Variants in REV1 observed in about 807,000 individuals in gnomAD.
The protein encoded by REV1 is translesion synthesis protein REV1.
Under a neutral mutation model 137.4 loss-of-function variants are expected in REV1, and 42 were observed. The ratio of observed to expected loss-of-function variants is 0.31; its 90% CI spans 0.24 to 0.40. REV1 has a LOEUF of 0.40. Ranked by LOEUF, REV1 falls within the 10% of genes least tolerant of loss-of-function variation. The probability of loss-of-function intolerance (pLI) is 1.00; values close to 1 mark genes in which losing one functional copy is unlikely to be tolerated. For missense variants in REV1, 1,282 were observed against 1,490.1 expected (o/e 0.86, Z 2.30); for synonymous variants, 524 against 519.2 (o/e 1.01, Z -0.12).
intron 3 of REV1, 108 bp downstream of exon 3, chr2:99,462,388 A>G: frequency 9.6e-7 from 1 of 1,037,090 alleles, no homozygotes; most frequent in Non-Finnish European, 1.4e-6. Flanking sequence ...TTCTCATCTT[A>G]CAATCATTTG....
At chr2:99,483,970 G>A (rs1196205496) in intron 1 of REV1, among the ~76,000 whole-genome samples, 1 of 152,022 alleles carries the variant, frequency 6.6e-6, no homozygotes, top group African/African-American at 2.4e-5. Context: ...TCATAATTTA[G>A]ATATTCTTAC....
At chr2:99,409,960 A>G (rs1676908069) in intron 14 of REV1, among the ~76,000 whole-genome samples, 1 of 151,306 alleles carries the variant, frequency 6.6e-6, no homozygotes, top group South Asian at 2.1e-4. Context: ...ACACCTATGT[A>G]AATGAAGTTG....
intron 11 of REV1, among the ~76,000 whole-genome samples, 162 bp downstream of exon 11, chr2:99,421,337 A>G (rs559630521): frequency 6.6e-6 from 1 of 152,194 alleles, no homozygotes; most frequent in Non-Finnish European, 1.5e-5. Flanking sequence ...CCATTTACTT[A>G]TATTTCCAGC....
At chr2:99,439,502 T>C (rs1040655778) in intron 5 of REV1, among the ~76,000 whole-genome samples, 192 bp from the exon 6 acceptor site, 25 of 152,098 alleles carry the variant, frequency 1.6e-4, no homozygotes, top group African/African-American at 6.0e-4. Flanking sequence ...TATTCTGATT[T>C]GACAAAAGAT....
chr2:99,450,915 CAA>C (rs1682851655), intron 3 of REV1, among the ~76,000 whole-genome samples: 3 of 152,060 alleles, frequency 2.0e-5, no homozygotes, highest in Non-Finnish European at 4.4e-5. Context: ...CAGTGTCATA[CAA>C]AGAGATTTAA....
At chr2:99,436,082 G>A (rs2104785399) in intron 6 of REV1, 141 bp from the exon 7 acceptor site, 2 of 616,306 alleles carry the variant, frequency 3.2e-6, no homozygotes, top group Non-Finnish European at 5.7e-6. Context: ...ATTGAGTACA[G>A]ATTATTTCTA....
At chr2:99,453,539 C>T (rs1239809071) in intron 3 of REV1, among the ~76,000 whole-genome samples, 1 of 152,054 alleles carries the variant, frequency 6.6e-6, no homozygotes. Context: ...GTTGCCCACC[C>T]TTCAGTATAT....
intron 9 of REV1, among the ~76,000 whole-genome samples, chr2:99,427,599 T>G (rs879700642): frequency 8.5e-5 from 13 of 152,178 alleles, no homozygotes; most frequent in Admixed American, 8.5e-4. Flanking sequence ...CCAAACTCAG[T>G]AACATTTCTC....
intron 9 of REV1, chr2:99,424,869 C>A (rs1679132287): frequency 7.7e-7 from 1 of 1,303,386 alleles, no homozygotes; most frequent in Admixed American, 2.3e-5. Context: ...TCACTCTGGG[C>A]AGGAGCCAGG....
Position 99,403,001 on chromosome 2 carries a change from T to G in REV1, c.3272A>C (p.Asn1091Thr), listed in dbSNP as rs3087392. 1.9e-6 allele frequency: 3 copies of G among 1,614,174 alleles called. No individual in the cohort carries two copies. In the Admixed American group the frequency reaches 5.0e-5, roughly 27 times the overall value. The change falls in exon 20 of 23, where the codon AAT (asparagine) becomes ACT (threonine). Residue 1091 changes from asparagine (N) to threonine (T), a missense_variant. This residue lies in a region of REV1 where 170 missense variants were observed against 156.8 expected (regional missense o/e 1.08). Transcript: ENST00000258428. ...GSPKRIQSPL[N>T]NKLLNSPAKT... is the part of the protein sequence containing the mutation. ...TGCAGGACTGTTAAGCAGCTTGTTATTCAAAGGACTCTGAATCCTTTTTGG... is the reference window on the plus strand; with the variant it reads ...TGCAGGACTGTTAAGCAGCTTGTTAGTCAAAGGACTCTGAATCCTTTTTGG...
chr2:99,439,933 T>A (rs752914979), intron 5 of REV1, among the ~76,000 whole-genome samples: 1 of 152,214 alleles, frequency 6.6e-6, no homozygotes, highest in Non-Finnish European at 1.5e-5. Context: ...CTATATTGAT[T>A]AACCTATTAA....
intron 4 of REV1, 135 bp from the exon 5 acceptor site, chr2:99,442,604 G>T: frequency 1.2e-6 from 1 of 823,236 alleles, no homozygotes; most frequent in Admixed American, 2.6e-5. Flanking sequence ...ATTCCTTCTT[G>T]CTCGGTTTTA....
intron 12 of REV1, among the ~76,000 whole-genome samples, chr2:99,413,651 G>T (rs868616288): frequency 2.5e-4 from 38 of 152,166 alleles, no homozygotes; most frequent in African/African-American, 8.2e-4. Flanking sequence ...TAACGTTTGA[G>T]CCCCACCTAA....
chr2:99,403,837 A>C, intron 18 of REV1, 22 bp from the exon 19 acceptor site: 1 of 1,613,126 alleles, frequency 6.2e-7, no homozygotes, highest in South Asian at 1.1e-5. Context: ...GACGAGGTCA[A>C]AGTCAAACCT....
intron 3 of REV1, among the ~76,000 whole-genome samples, chr2:99,462,077 C>G (rs1684278739): frequency 1.3e-5 from 2 of 152,160 alleles, no homozygotes; most frequent in South Asian, 4.2e-4. Flanking sequence ...AGTTTACACT[C>G]TTCTACAGAC....
chr2:99,403,984 C>T (rs1411124922), intron 18 of REV1, among the ~76,000 whole-genome samples, 169 bp from the exon 19 acceptor site: 5 of 150,398 alleles, frequency 3.3e-5, no homozygotes, highest in African/African-American at 1.3e-4. Flanking sequence ...ATGGTTAGAG[C>T]AAGAATAAGG....
At chr2:99,464,567 A>G (rs1005554566) in intron 2 of REV1, among the ~76,000 whole-genome samples, 2 of 152,224 alleles carry the variant, frequency 1.3e-5, no homozygotes, top group African/African-American at 4.8e-5. Flanking sequence ...AAGCTGAATA[A>G]TGACTGTACA....
chr2:99,442,535 T>G, intron 4 of REV1, 66 bp from the exon 5 acceptor site: 1 of 1,402,928 alleles, frequency 7.1e-7, no homozygotes, highest in Non-Finnish European at 1.0e-6. Context: ...ATGAAAAATA[T>G]TCAATGTCCT....
At chr2:99,469,698 TATGCATGCATTTTTCCTA>T in intron 1 of REV1, among the ~76,000 whole-genome samples, 1 of 152,332 alleles carries the variant, frequency 6.6e-6, no homozygotes, top group South Asian at 2.1e-4. Context: ...CAAGACTACT[TATGCATGCATTTTTCCTA>T]ATGTTTTATC....
Sources: gnomAD v4.1 joint callset for allele counts (sites outside exome capture counted in the v4.1 genomes callset) on GRCh38, gnomAD v4.1.1 for gene constraint, gnomAD v4.1.1 regional missense constraint, MANE v1.5 for transcripts, NCBI Gene and HGNC (gene_info 2026-07-23, HGNC 2026-07-21) for gene names.